TGFB2: variants seen among roughly 807,000 people sequenced by gnomAD.
TGFB2 encodes the protein transforming growth factor beta-2 proprotein.
In TGFB2, 13 loss-of-function variants were observed where a neutral mutation model predicts 42.7. That is an observed-to-expected ratio of 0.30 (90% CI 0.20 to 0.48). TGFB2 has a LOEUF of 0.48. TGFB2 is among the 20% of genes least tolerant of loss of function. The probability of loss-of-function intolerance (pLI) is 0.99; values close to 1 mark genes in which losing one functional copy is unlikely to be tolerated. For missense variants in TGFB2, 390 were observed against 517.5 expected (o/e 0.75, Z 2.39); for synonymous variants, 193 against 193.6 (o/e 1.00, Z 0.03).
intron 1 of TGFB2, among the ~76,000 whole-genome samples, chr1:218,357,336 A>G (rs1289139460): frequency 1.3e-5 from 2 of 152,202 alleles, no homozygotes; most frequent in Non-Finnish European, 2.9e-5. Flanking sequence ...AGGGGAAGCC[A>G]CACTAAGGCC....
At chr1:218,402,326 G>C (rs1658748377) in intron 1 of TGFB2, among the ~76,000 whole-genome samples, 1 of 152,184 alleles carries the variant, frequency 6.6e-6, no homozygotes, top group South Asian at 2.1e-4. Flanking sequence ...GAGGGGAGGA[G>C]GGCTGTTTGC....
At chr1:218,438,386 T>C (rs910346043) in intron 6 of TGFB2, among the ~76,000 whole-genome samples, 2 of 152,338 alleles carry the variant, frequency 1.3e-5, no homozygotes, top group Non-Finnish European at 2.9e-5. Flanking sequence ...AGTGTGTGAT[T>C]ATTAGTAAAT....
intron 2 of TGFB2, among the ~76,000 whole-genome samples, chr1:218,416,967 A>T (rs1471365084): frequency 6.6e-6 from 1 of 152,208 alleles, no homozygotes; most frequent in Non-Finnish European, 1.5e-5. Context: ...CCCTAGCCAC[A>T]TGGAACTGTA....
chr1:218,379,275 G>A (rs865872897), intron 1 of TGFB2, among the ~76,000 whole-genome samples: 1 of 151,588 alleles, frequency 6.6e-6, no homozygotes, highest in Non-Finnish European at 1.5e-5. Context: ...TGGGACTACA[G>A]GCGCCCGCCA....
At chr1:218,414,454 C>T (rs541857472) in intron 2 of TGFB2, among the ~76,000 whole-genome samples, 18 of 152,014 alleles carry the variant, frequency 1.2e-4, no homozygotes, top group South Asian at 4.2e-4. Context: ...CTAGCCCCGG[C>T]GCCACATTGG....
chr1:218,372,543 C>T (rs1657605849), intron 1 of TGFB2, among the ~76,000 whole-genome samples: 1 of 152,120 alleles, frequency 6.6e-6, no homozygotes, highest in African/African-American at 2.4e-5. Context: ...CTTCAAGGAT[C>T]GTTAACTCTA....
intron 1 of TGFB2, among the ~76,000 whole-genome samples, chr1:218,379,699 AG>A (rs1657895213): frequency 6.6e-6 from 1 of 152,132 alleles, no homozygotes; most frequent in Admixed American, 6.5e-5. Flanking sequence ...CTCATGCCTG[AG>A]AGAAGTTCAG....
chr1:218,355,589 C>A (rs1657007288), intron 1 of TGFB2, among the ~76,000 whole-genome samples: 1 of 152,208 alleles, frequency 6.6e-6, no homozygotes, highest in Non-Finnish European at 1.5e-5. Context: ...GTCGGCTTTG[C>A]AGCTGGATTT....
At chr1:218,396,487 G>A (rs1352558868) in intron 1 of TGFB2, among the ~76,000 whole-genome samples, 1 of 151,922 alleles carries the variant, frequency 6.6e-6, no homozygotes, top group Non-Finnish European at 1.5e-5. Context: ...CTTCCAGGGA[G>A]GCCAGTGAGG....
At chr1:218,376,094 C>A (rs1202695979) in intron 1 of TGFB2, among the ~76,000 whole-genome samples, 7 of 152,178 alleles carry the variant, frequency 4.6e-5, no homozygotes, top group Non-Finnish European at 1.0e-4. Context: ...AGAGCTGCTG[C>A]ACAACGTCGT....
At chr1:218,399,416 T>C (rs1000512743) in intron 1 of TGFB2, among the ~76,000 whole-genome samples, 1 of 151,976 alleles carries the variant, frequency 6.6e-6, no homozygotes, top group Non-Finnish European at 1.5e-5. Context: ...AATTAAAAAT[T>C]AAAAAAAATT....
At chr1:218,398,893 T>G (rs1023693693) in intron 1 of TGFB2, among the ~76,000 whole-genome samples, 1 of 152,022 alleles carries the variant, frequency 6.6e-6, no homozygotes, top group Non-Finnish European at 1.5e-5. Flanking sequence ...ATTATTTTAA[T>G]TTTTTTTAGA....
intron 1 of TGFB2, among the ~76,000 whole-genome samples, chr1:218,350,716 A>T (rs1656843861): frequency 6.6e-6 from 1 of 152,180 alleles, no homozygotes. Context: ...AAAGCCCCTA[A>T]ATTAGAGACA....
intron 1 of TGFB2, among the ~76,000 whole-genome samples, chr1:218,348,080 A>G (rs11804942): frequency 0.034 from 5,099 of 152,042 alleles, 270 homozygotes; most frequent in African/African-American, 0.12. Flanking sequence ...AAAAAGAAAA[A>G]AAAGAAAGAA....
intron 2 of TGFB2, among the ~76,000 whole-genome samples, chr1:218,413,704 G>A (rs182613417): frequency 6.6e-6 from 1 of 152,280 alleles, no homozygotes; most frequent in African/African-American, 2.4e-5. Context: ...TGTAAGTCGA[G>A]GAGCATCTGT....
intron 1 of TGFB2, among the ~76,000 whole-genome samples, chr1:218,379,348 A>T (rs2102564155): frequency 6.6e-6 from 1 of 151,758 alleles, no homozygotes; most frequent in East Asian, 1.9e-4. Context: ...GTTCGCCAGG[A>T]TGGCCTCGAT....
intron 1 of TGFB2, among the ~76,000 whole-genome samples, chr1:218,350,621 G>T (rs964302341): frequency 6.6e-6 from 1 of 152,166 alleles, no homozygotes; most frequent in African/African-American, 2.4e-5. Context: ...ATACTGAATA[G>T]GAGGATAGTC....
intron 2 of TGFB2, among the ~76,000 whole-genome samples, chr1:218,424,779 A>T (rs191793981): frequency 1.3e-5 from 2 of 152,364 alleles, no homozygotes; most frequent in East Asian, 3.9e-4. Context: ...CTGTGACTCA[A>T]TGATGTGTTG....
At chr1:218,395,386 G>C (rs1658469705) in intron 1 of TGFB2, among the ~76,000 whole-genome samples, 1 of 152,152 alleles carries the variant, frequency 6.6e-6, no homozygotes, top group Non-Finnish European at 1.5e-5. Flanking sequence ...AGTGGAGGAG[G>C]AGCTGCTGCC....
Sources: gnomAD v4.1 joint callset for allele counts (sites outside exome capture counted in the v4.1 genomes callset) on GRCh38, gnomAD v4.1.1 for gene constraint, MANE v1.5 for transcripts, NCBI Gene and HGNC (gene_info 2026-07-23, HGNC 2026-07-21) for gene names.